Variants in PGBD2 observed in about 807,000 individuals in gnomAD.
The protein encoded by PGBD2 is piggyBac transposable element derived 2, also known as piggyBac transposable element-derived protein 2.
In PGBD2, 6 loss-of-function variants were observed where a neutral mutation model predicts 8.1. The observed-to-expected ratio is 0.74, with a 90% CI of 0.40 to 1.46. PGBD2 has a LOEUF of 1.46. PGBD2 is among the 40% of genes most tolerant of loss of function. The pLI, the probability that PGBD2 is intolerant of heterozygous loss-of-function variation, is 0.02. For missense variants in PGBD2, 802 were observed against 739.0 expected (o/e 1.09, Z -0.99); for synonymous variants, 318 against 272.2 (o/e 1.17, Z -1.66).
In PGBD2 at chr1:248,918,227, A is replaced by G. The variant is rs1430109389; in HGVS notation, c.1643A>G (p.Asp548Gly). 2 of 1,614,172 alleles carry G rather than the reference A, an allele frequency of 1.2e-6. No individual in the cohort carries two copies. Among genetic ancestry groups the G allele is most frequent in the Middle Eastern group, 1.6e-4 (1 of 6,062 alleles). Reference sequence around the variant, plus strand: ...CGGTTGGAGACTGAGAGCCGCTTCGATATGATTGGGCACTGGATTATCCAT... The same window carrying G: ...CGGTTGGAGACTGAGAGCCGCTTCGGTATGATTGGGCACTGGATTATCCAT... The part of the protein sequence containing the change: ...SRRLETESRF[D>G]MIGHWIIHQD... The change falls in exon 3 of 3, where the codon GAT (aspartate) becomes GGT (glycine). Residue 548 changes from aspartate (D) to glycine (G), a missense_variant. Transcript: ENST00000329291.
chr1:248,881,463 G>A, the PGBD2 span, among the ~76,000 whole-genome samples: 1 of 152,048 alleles, frequency 6.6e-6, no homozygotes, highest in African/African-American at 2.4e-5. Flanking sequence ...GTTTTGAATT[G>A]GTATTGTTTA....
At chr1:248,906,688 C>T (rs1430594064) in intron 1 of PGBD2, among the ~76,000 whole-genome samples, 1 of 108,712 alleles carries the variant, frequency 9.2e-6, no homozygotes, top group Admixed American at 1.1e-4. Context: ...ACGAAGGAGG[C>T]GGGCGGCCTG....
the PGBD2 span, among the ~76,000 whole-genome samples, chr1:248,897,555 G>A: frequency 6.6e-6 from 1 of 152,188 alleles, no homozygotes; most frequent in Non-Finnish European, 1.5e-5. Context: ...TGCCACCAGG[G>A]CCTTGGGTCC....
chr1:248,873,518 T>G, the PGBD2 span, among the ~76,000 whole-genome samples: 5 of 152,260 alleles, frequency 3.3e-5, no homozygotes, highest in Non-Finnish European at 2.9e-5. Flanking sequence ...GAGTAGTAAC[T>G]GCTTGCCAGA....
chr1:248,873,716 G>A, the PGBD2 span, among the ~76,000 whole-genome samples: 1 of 152,226 alleles, frequency 6.6e-6, no homozygotes, highest in Non-Finnish European at 1.5e-5. Flanking sequence ...TTTCTCCAGA[G>A]CTCCGCCGGG....
chr1:248,890,247 T>C, the PGBD2 span, among the ~76,000 whole-genome samples: 1 of 152,108 alleles, frequency 6.6e-6, no homozygotes, highest in Middle Eastern at 3.2e-3. Flanking sequence ...AAACTCTTAC[T>C]CTGCAAGAGT....
the PGBD2 span, among the ~76,000 whole-genome samples, chr1:248,874,217 A>G: frequency 6.6e-6 from 1 of 152,200 alleles, no homozygotes; most frequent in African/African-American, 2.4e-5. Flanking sequence ...TTTATTTAGT[A>G]TAGCATATTG....
chr1:248,924,081 C>T (rs772563499), downstream of PGBD2, among the ~76,000 whole-genome samples: 15 of 152,212 alleles, frequency 9.9e-5, no homozygotes, highest in Admixed American at 2.6e-4. Flanking sequence ...CCCAATGGGA[C>T]GGCGTGTGGG....
the PGBD2 span, among the ~76,000 whole-genome samples, chr1:248,929,150 G>T: frequency 6.6e-6 from 1 of 152,146 alleles, no homozygotes; most frequent in African/African-American, 2.4e-5. Flanking sequence ...TATGCTATAT[G>T]TGCCTCTGGC....
downstream of PGBD2, among the ~76,000 whole-genome samples, chr1:248,921,280 C>A (rs887284489): frequency 1.3e-5 from 2 of 152,088 alleles, no homozygotes; most frequent in Admixed American, 1.3e-4. Context: ...CTAGGTCTTA[C>A]GTTTAAGTCT....
At chr1:248,906,536 T>G (rs1214142766) in intron 1 of PGBD2, 194 bp downstream of exon 1, 1 of 145,966 alleles carries the variant, frequency 6.9e-6, no homozygotes, top group Non-Finnish European at 1.5e-5. Context: ...CTTCTGCGGG[T>G]TGGGGTGCGA....
At chr1:248,902,066 C>T (rs989530197), upstream of PGBD2, among the ~76,000 whole-genome samples, 1 of 152,090 alleles carries the variant, frequency 6.6e-6, no homozygotes, top group African/African-American at 2.4e-5. Context: ...ACTAGGAGTT[C>T]ATGACCAGCC....
At chr1:248,903,597 G>A (rs1432002704), upstream of PGBD2, among the ~76,000 whole-genome samples, 1 of 152,156 alleles carries the variant, frequency 6.6e-6, no homozygotes, top group African/African-American at 2.4e-5. Flanking sequence ...TTATTAACAA[G>A]CAAGCTTCAA....
At chr1:248,876,673 C>T in the PGBD2 span, among the ~76,000 whole-genome samples, 4 of 152,178 alleles carry the variant, frequency 2.6e-5, no homozygotes, top group Non-Finnish European at 5.9e-5. Context: ...ACTAATTTGA[C>T]ATACCTGGGT....
rs542484596 is a variant in PGBD2 at position 248,912,724 on chromosome 1, C to T, written c.-47-1092C>T. The T allele has an allele frequency of 2.0e-5, 3 of 151,614 alleles. No individual in the cohort carries two copies. The South Asian group carries it at 6.2e-4, about 32-fold the overall frequency. 9.4% of individuals were successfully genotyped at this position (151,614 alleles called of 1,614,324 possible). On this transcript the variant is annotated intron_variant, in intron 1 of 2. Coordinates refer to ENST00000329291, the MANE Select transcript of PGBD2 (RefSeq NM_170725.3). ...GAACACTTACGAATTTGCATGTCCT[C>T]TTTGTGGACAGGCTATGCTAATCTT... is the stretch of plus-strand genomic sequence containing the variant.
At chr1:248,883,179 A>G in the PGBD2 span, among the ~76,000 whole-genome samples, 43 of 152,254 alleles carry the variant, frequency 2.8e-4, no homozygotes, top group Admixed American at 3.9e-4. Context: ...GCTGGAGTGC[A>G]ATGGCGGGAT....
At chr1:248,885,993 A>G in the PGBD2 span, among the ~76,000 whole-genome samples, 1 of 152,190 alleles carries the variant, frequency 6.6e-6, no homozygotes, top group Non-Finnish European at 1.5e-5. Context: ...ACTCCTCAGT[A>G]ATTTGTCTTA....
chr1:248,929,927 T>C, the PGBD2 span, among the ~76,000 whole-genome samples: 1 of 152,148 alleles, frequency 6.6e-6, no homozygotes, highest in Non-Finnish European at 1.5e-5. Flanking sequence ...AAATTAGGCT[T>C]TGGAGCACCT....
chr1:248,886,095 C>A, the PGBD2 span, among the ~76,000 whole-genome samples: 1 of 151,990 alleles, frequency 6.6e-6, no homozygotes, highest in Non-Finnish European at 1.5e-5. Flanking sequence ...CAAAGAAAGG[C>A]CTTGTTGATG....
Sources: gnomAD v4.1 joint callset for allele counts (sites outside exome capture counted in the v4.1 genomes callset) on GRCh38, gnomAD v4.1.1 for gene constraint, MANE v1.5 for transcripts, NCBI Gene and HGNC (gene_info 2026-07-23, HGNC 2026-07-21) for gene names.